MMP16: variants seen among roughly 807,000 people sequenced by gnomAD.
MMP16 encodes matrix metalloproteinase-16.
MMP16 carries 12 observed loss-of-function variants against 67.8 expected under a neutral mutation model. The observed-to-expected ratio is 0.18, with a 90% CI of 0.11 to 0.29. The LOEUF (loss-of-function observed/expected upper bound fraction) is 0.29, where lower values mean the gene tolerates loss of function less well. Among genes scored for constraint, MMP16 ranks in the 10% least tolerant of loss-of-function variants. The pLI is 1.00. For missense variants in MMP16, 475 were observed against 765.7 expected, an observed-to-expected ratio of 0.62 and a Z score of 4.48; for synonymous variants, 249 against 255.9, an observed-to-expected ratio of 0.97 and a Z score of 0.26.
chr8:88,184,709 T>G (rs921517923), intron 3 of MMP16, among the ~76,000 whole-genome samples: 1 of 121,090 alleles, frequency 8.3e-6, no homozygotes, highest in Non-Finnish European at 1.6e-5. Context: ...ATCGCACCAC[T>G]GCACTCAGGC....
At chr8:88,156,638 G>A (rs1435103552) in intron 4 of MMP16, among the ~76,000 whole-genome samples, 1 of 151,902 alleles carries the variant, frequency 6.6e-6, no homozygotes, top group Non-Finnish European at 1.5e-5. Flanking sequence ...AAAGTAAAAA[G>A]CTGTTATTAA....
At chr8:88,191,652 G>A (rs532075206) in intron 2 of MMP16, among the ~76,000 whole-genome samples, 1 of 152,032 alleles carries the variant, frequency 6.6e-6, no homozygotes, top group African/African-American at 2.4e-5. Flanking sequence ...AAACAGTTTG[G>A]TGTACCACAC....
intron 1 of MMP16, among the ~76,000 whole-genome samples, chr8:88,316,881 G>A (rs1811382593): frequency 6.6e-6 from 1 of 152,116 alleles, no homozygotes; most frequent in South Asian, 2.1e-4. Flanking sequence ...TTCATGGGGG[G>A]AGGTAAAAAT....
At position 88,202,681 on chromosome 8, in the gene MMP16, A is replaced by G. The variant is rs577526002; in HGVS notation, c.133-5375T>C. ...AATGGTGACAAAACAAGACCAAAAT[A>G]AAAGCAAAACACAACCAATGATAAA... On this transcript the variant is annotated intron_variant, in intron 1 of 9. Transcript: ENST00000286614. 3.7e-3 allele frequency among the ~76,000 whole-genome samples: 560 copies of G among 152,304 alleles called. 4 individuals are homozygous for G. The highest frequency in any genetic ancestry group is 0.013 in the African/African-American group (532 of 41,568).
intron 6 of MMP16, among the ~76,000 whole-genome samples, chr8:88,077,142 T>C (rs1257242866): frequency 6.6e-6 from 1 of 152,214 alleles, no homozygotes; most frequent in Non-Finnish European, 1.5e-5. Context: ...CTGGTTTTTG[T>C]TGACAGCAGC....
chr8:88,268,973 C>G (rs1810522181), intron 1 of MMP16, among the ~76,000 whole-genome samples: 3 of 152,056 alleles, frequency 2.0e-5, no homozygotes, highest in Admixed American at 2.0e-4. Flanking sequence ...CTCACAGCAC[C>G]TTGGGATGGA....
intron 4 of MMP16, among the ~76,000 whole-genome samples, chr8:88,140,373 C>G (rs550603651): frequency 3.6e-4 from 55 of 152,294 alleles, no homozygotes; most frequent in Middle Eastern, 3.4e-3. Context: ...ATGACCTAGT[C>G]TCAGAAGTCA....
chr8:88,176,540 A>G (rs1460696740), intron 3 of MMP16, among the ~76,000 whole-genome samples: 1 of 152,206 alleles, frequency 6.6e-6, no homozygotes, highest in Non-Finnish European at 1.5e-5. Flanking sequence ...ACAGCTCTGT[A>G]GCTGATTATA....
chr8:88,288,647 A>C (rs1190116440), intron 1 of MMP16, among the ~76,000 whole-genome samples: 1 of 152,202 alleles, frequency 6.6e-6, no homozygotes, highest in Non-Finnish European at 1.5e-5. Context: ...AAAACAAAGA[A>C]ATTGATGTTG....
At chr8:88,101,011 G>A (rs1203787983) in intron 6 of MMP16, among the ~76,000 whole-genome samples, 2 of 151,036 alleles carry the variant, frequency 1.3e-5, no homozygotes, top group African/African-American at 2.4e-5. Context: ...TAGCATTAGG[G>A]GATATACCTA....
intron 1 of MMP16, among the ~76,000 whole-genome samples, 182 bp from the exon 2 acceptor site, chr8:88,197,488 G>C (rs530950439): frequency 6.6e-6 from 1 of 152,000 alleles, no homozygotes; most frequent in South Asian, 2.1e-4. Flanking sequence ...TAATATAATT[G>C]CAGCGACTGT....
chr8:88,245,606 C>T (rs917322863), intron 1 of MMP16, among the ~76,000 whole-genome samples: 13 of 152,090 alleles, frequency 8.5e-5, no homozygotes, highest in African/African-American at 2.9e-4. Context: ...GGAGAAAGAC[C>T]TAAAAGATTA....
rs565463464 is a variant in MMP16 at position 88,313,072 on chromosome 8, C to G, written c.132+14003G>C. Among the ~76,000 whole-genome samples, 15 of 152,348 alleles carry G rather than the reference C, an allele frequency of 9.8e-5. No individual in the cohort carries two copies. In the South Asian group the frequency reaches 2.7e-3, roughly 27 times the overall value. ...CTCTTTTTAATGGGCTTTGTTCACT[C>G]AGCCTAATTGTTTTGGCATTCTTTA... On this transcript the variant is annotated intron_variant, in intron 1 of 9. Coordinates refer to ENST00000286614, the MANE Select transcript of MMP16 (RefSeq NM_005941.5).
intron 4 of MMP16, 92 bp from the exon 5 acceptor site, chr8:88,118,953 G>C (rs1809483273): frequency 8.4e-7 from 1 of 1,189,814 alleles, no homozygotes; most frequent in African/African-American, 1.6e-5. Flanking sequence ...TTTTACCCAA[G>C]AAAAATAGGA....
chr8:88,229,100 G>T (rs766196004), intron 1 of MMP16, among the ~76,000 whole-genome samples: 9 of 152,002 alleles, frequency 5.9e-5, no homozygotes, highest in Non-Finnish European at 1.2e-4. Context: ...GGTCAAGGCT[G>T]CAGTGAAACA....
chr8:88,264,028 T>C lies in MMP16; in HGVS notation c.132+63047A>G, dbSNP rs1810433109. Among the ~76,000 whole-genome samples the C allele has an allele frequency of 4.9e-5, 4 of 81,182 alleles. No homozygotes were observed. In the South Asian group the frequency reaches 1.5e-3, roughly 31 times the overall value. The allele number at this position is 81,182 out of a possible 152,430, so 53.3% of individuals were successfully genotyped here. ...TGTGTGTGCAACTTCCCTACAAAAATGGCACATATATATATATATATATAT... is the reference window on the plus strand; with the variant it reads ...TGTGTGTGCAACTTCCCTACAAAAACGGCACATATATATATATATATATAT... On this transcript the variant is annotated intron_variant, in intron 1 of 9. Transcript: ENST00000286614.
chr8:88,259,004 G>T (rs373102960), intron 1 of MMP16, among the ~76,000 whole-genome samples: 69 of 152,284 alleles, frequency 4.5e-4, no homozygotes, highest in African/African-American at 1.6e-3. Flanking sequence ...AAGGAAGCAT[G>T]CCTCCTGCCT....
intron 4 of MMP16, among the ~76,000 whole-genome samples, chr8:88,138,761 A>G (rs551274379): frequency 1.3e-5 from 2 of 152,212 alleles, no homozygotes; most frequent in African/African-American, 4.8e-5. Context: ...CAGGATCTTC[A>G]CATCTCATGT....
At chr8:88,124,821 T>C (rs1197903055) in intron 4 of MMP16, among the ~76,000 whole-genome samples, 1 of 151,970 alleles carries the variant, frequency 6.6e-6, no homozygotes, top group African/African-American at 2.4e-5. Context: ...GGCACCAGCA[T>C]GGTCAGGTTC....
Sources: allele counts gnomAD v4.1 joint callset (sites outside exome capture counted in the v4.1 genomes callset), GRCh38; gene constraint gnomAD v4.1.1; transcripts MANE v1.5; gene names NCBI Gene and HGNC (gene_info 2026-07-23, HGNC 2026-07-21).